Variants in ANO1 observed in about 807,000 individuals in gnomAD.
The protein encoded by ANO1 is anoctamin-1.
In ANO1, 59 loss-of-function variants were observed where a neutral mutation model predicts 124.0. The observed-to-expected ratio is 0.48, with a 90% CI of 0.39 to 0.59. ANO1 has a LOEUF of 0.59. Among genes scored for constraint, ANO1 ranks in the 20% least tolerant of loss-of-function variants. The probability of loss-of-function intolerance (pLI) is 0.00; values close to 1 mark genes in which losing one functional copy is unlikely to be tolerated. For missense variants in ANO1, 1,059 were observed against 1,328.0 expected (o/e 0.80, Z 3.15); for synonymous variants, 529 against 532.0 (o/e 0.99, Z 0.08).
At chr11:70,089,788 C>T (rs2044546765) in intron 2 of ANO1, among the ~76,000 whole-genome samples, 1 of 152,212 alleles carries the variant, frequency 6.6e-6, no homozygotes, top group South Asian at 2.1e-4. Flanking sequence ...GATGGGTTTT[C>T]GCACGGTCCT....
intron 10 of ANO1, chr11:70,129,258 C>G (rs2046647840): frequency 6.6e-6 from 1 of 152,270 alleles, no homozygotes; most frequent in Admixed American, 6.5e-5. Flanking sequence ...GCGTTGGTGA[C>G]CACGTGATGG....
At chr11:70,067,084 T>C (rs1407463758) in intron 1 of ANO1, among the ~76,000 whole-genome samples, 3 of 152,158 alleles carry the variant, frequency 2.0e-5, no homozygotes, top group Admixed American at 6.5e-5. Context: ...TGTCTAAGTC[T>C]TCCCAAAGTT....
At chr11:70,014,273 C>T (rs1856659132) in intron 1 of ANO1, among the ~76,000 whole-genome samples, 1 of 114,804 alleles carries the variant, frequency 8.7e-6, no homozygotes, top group Admixed American at 9.1e-5. Context: ...ACCCCCCCAC[C>T]CCCCCACCAA....
At chr11:70,117,134 G>A (rs1314983998) in intron 8 of ANO1, among the ~76,000 whole-genome samples, 9 of 101,420 alleles carry the variant, frequency 8.9e-5, no homozygotes, top group East Asian at 3.2e-4. Flanking sequence ...AGTTGGAGTC[G>A]CACTTTGTCA....
intron 10 of ANO1, among the ~76,000 whole-genome samples, chr11:70,127,684 G>A (rs2046577570): frequency 6.6e-6 from 1 of 152,176 alleles, no homozygotes; most frequent in Non-Finnish European, 1.5e-5. Context: ...GGAACAGAGT[G>A]GGGCCCTGTA....
chr11:70,006,549 C>CCTTT (rs1235203959), intron 1 of ANO1, among the ~76,000 whole-genome samples: 5 of 150,482 alleles, frequency 3.3e-5, no homozygotes, highest in South Asian at 2.1e-4. Flanking sequence ...TTTCTTTCTT[C>CCTTT]CTTTCTTTCT....
chr11:70,051,302 C>T (rs1857346601), intron 1 of ANO1, among the ~76,000 whole-genome samples: 1 of 152,196 alleles, frequency 6.6e-6, no homozygotes, highest in African/African-American at 2.4e-5. Flanking sequence ...TGTAGAAGTC[C>T]TTTATTCTTG....
chr11:70,098,813 C>T (rs544223809), intron 2 of ANO1, among the ~76,000 whole-genome samples: 6 of 152,278 alleles, frequency 3.9e-5, no homozygotes, highest in Middle Eastern at 3.4e-3. Context: ...GGGGCTGTAG[C>T]GGGGACCCTC....
intron 1 of ANO1, among the ~76,000 whole-genome samples, chr11:70,051,131 A>G (rs1857343969): frequency 6.6e-6 from 1 of 152,184 alleles, no homozygotes; most frequent in East Asian, 1.9e-4. Flanking sequence ...ATCAAGCTAA[A>G]GAACATTACC....
intron 1 of ANO1, chr11:70,064,275 C>T (rs905818951): frequency 5.3e-5 from 8 of 152,298 alleles, no homozygotes; most frequent in African/African-American, 1.9e-4. Flanking sequence ...CTTCTTCACC[C>T]TTCTTCACTC....
intron 2 of ANO1, among the ~76,000 whole-genome samples, chr11:70,102,557 C>T (rs2045318868): frequency 6.6e-6 from 1 of 152,194 alleles, no homozygotes; most frequent in African/African-American, 2.4e-5. Context: ...GGCAGTGGAC[C>T]TGGAGCAGGC....
At chr11:70,090,880 A>G (rs11824504) in intron 2 of ANO1, among the ~76,000 whole-genome samples, 2,044 of 152,310 alleles carry the variant, frequency 0.013, 55 homozygotes, top group African/African-American at 0.047. Flanking sequence ...AGAAACGTCC[A>G]TTCAAGTTTT....
intron 1 of ANO1, among the ~76,000 whole-genome samples, chr11:69,990,706 T>C (rs554812420): frequency 6.7e-6 from 1 of 148,264 alleles, no homozygotes; most frequent in African/African-American, 2.4e-5. Context: ...GGTATATCAT[T>C]GTGGCTTTGA....
the ANO1 span, among the ~76,000 whole-genome samples, chr11:69,973,870 T>TG: frequency 2.1e-5 from 3 of 139,640 alleles, no homozygotes; most frequent in Non-Finnish European, 4.7e-5. Flanking sequence ...AGACTCCGTC[T>TG]AAAAAAAAAA....
the ANO1 span, among the ~76,000 whole-genome samples, chr11:69,976,724 A>G: frequency 6.6e-6 from 1 of 152,140 alleles, no homozygotes; most frequent in African/African-American, 2.4e-5. Flanking sequence ...GACAATGTCT[A>G]TGGTTTCAGC....
intron 1 of ANO1, among the ~76,000 whole-genome samples, chr11:70,055,549 C>A (rs573261456): frequency 1.3e-5 from 2 of 151,966 alleles, no homozygotes; most frequent in South Asian, 4.2e-4. Flanking sequence ...GACTTTTAAT[C>A]ATTCTGGTTC....
At chr11:70,036,635 T>A (rs1313152382) in intron 1 of ANO1, among the ~76,000 whole-genome samples, 5 of 152,086 alleles carry the variant, frequency 3.3e-5, no homozygotes, top group African/African-American at 1.2e-4. Flanking sequence ...TAAGACAGAG[T>A]CTCGCTTTGT....
At chr11:70,111,598 T>C in intron 6 of ANO1, 109 bp from the exon 7 acceptor site, 1 of 1,100,588 alleles carries the variant, frequency 9.1e-7, no homozygotes, top group Non-Finnish European at 1.4e-6. Context: ...GTTCGTTTCA[T>C]TTTGAGAAGC....
At chr11:70,025,977 A>G (rs1856896405) in intron 1 of ANO1, among the ~76,000 whole-genome samples, 1 of 138,238 alleles carries the variant, frequency 7.2e-6, no homozygotes, top group Non-Finnish European at 1.5e-5. Flanking sequence ...GATGGTGACG[A>G]TGGTGGTAGT....
Sources: gnomAD v4.1 joint callset for allele counts (sites outside exome capture counted in the v4.1 genomes callset) on GRCh38, gnomAD v4.1.1 for gene constraint, MANE v1.5 for transcripts, NCBI Gene and HGNC (gene_info 2026-07-23, HGNC 2026-07-21) for gene names.